Variants in ADAMTSL1 observed in about 807,000 individuals in gnomAD.
ADAMTSL1 encodes ADAMTS like 1, also known as ADAMTS-like protein 1.
A neutral mutation model predicts 201.8 loss-of-function variants in ADAMTSL1; 126 were observed. The observed-to-expected ratio is 0.62, with a 90% CI of 0.54 to 0.72. The LOEUF is 0.72. ADAMTSL1 is among the 30% of genes least tolerant of loss of function. ADAMTSL1 has a pLI of 0.00. For synonymous variants in ADAMTSL1, 1,121 were observed against 903.4 expected (o/e 1.24, Z -4.32); for missense variants, 2,679 against 2,277.8 (o/e 1.18, Z -3.59).
At chr9:18,828,736 CAT>C (rs1342237052) in intron 22 of ADAMTSL1, among the ~76,000 whole-genome samples, 17 of 132,952 alleles carry the variant, frequency 1.3e-4, no homozygotes, top group Admixed American at 6.8e-4. Context: ...CACACACACA[CAT>C]ATGTAATCTC....
intron 2 of ADAMTSL1, among the ~76,000 whole-genome samples, chr9:18,243,738 T>A (rs1025849633): frequency 1.3e-5 from 2 of 152,124 alleles, no homozygotes; most frequent in Non-Finnish European, 2.9e-5. Context: ...CAGTCCCATC[T>A]TCTGTCCACA....
chr9:18,717,178 A>C (rs1833001283), intron 14 of ADAMTSL1, among the ~76,000 whole-genome samples: 1 of 150,952 alleles, frequency 6.6e-6, no homozygotes, highest in South Asian at 2.1e-4. Flanking sequence ...TGGCACATGT[A>C]TACCTATGTA....
chr9:18,464,130 C>T (rs759332432), intron 2 of ADAMTSL1, among the ~76,000 whole-genome samples: 17 of 152,194 alleles, frequency 1.1e-4, no homozygotes, highest in Non-Finnish European at 2.4e-4. Flanking sequence ...TAACTCTCTT[C>T]CCCAGCCTTC....
chr9:18,810,781 C>G (rs1823450939), intron 20 of ADAMTSL1, among the ~76,000 whole-genome samples: 1 of 152,084 alleles, frequency 6.6e-6, no homozygotes, highest in South Asian at 2.1e-4. Context: ...ACTTCGACTT[C>G]TGGAAAGATG....
intron 2 of ADAMTSL1, among the ~76,000 whole-genome samples, chr9:18,305,439 C>G (rs900496410): frequency 1.3e-5 from 2 of 152,216 alleles, no homozygotes; most frequent in Non-Finnish European, 2.9e-5. Context: ...CAGAGCCCAG[C>G]AAGCTAAGAT....
At chr9:18,581,464 G>T (rs1259838150) in intron 4 of ADAMTSL1, among the ~76,000 whole-genome samples, 1 of 152,078 alleles carries the variant, frequency 6.6e-6, no homozygotes, top group African/African-American at 2.4e-5. Flanking sequence ...CTTCACATGT[G>T]ACAAATATTC....
At chr9:18,172,559 A>G (rs532376728) in intron 2 of ADAMTSL1, among the ~76,000 whole-genome samples, 118 of 152,272 alleles carry the variant, frequency 7.7e-4, no homozygotes, top group African/African-American at 2.8e-3. Context: ...TAACCACTTT[A>G]AAGAGCAACT....
intron 1 of ADAMTSL1, among the ~76,000 whole-genome samples, chr9:17,987,975 A>G (rs1818994829): frequency 6.6e-6 from 1 of 152,076 alleles, no homozygotes; most frequent in East Asian, 1.9e-4. Flanking sequence ...TACATGGGCT[A>G]TGACAAACGT....
intron 4 of ADAMTSL1, among the ~76,000 whole-genome samples, chr9:18,586,573 C>T (rs1258100659): frequency 6.6e-6 from 1 of 152,048 alleles, no homozygotes; most frequent in East Asian, 1.9e-4. Flanking sequence ...TGACATTCTT[C>T]ACAGAACTAG....
In ADAMTSL1 at chr9:18,281,276, G is replaced by GAT. The variant is rs141848750; in HGVS notation, c.207+117308_207+117309dup. Among the ~76,000 whole-genome samples the GAT allele has an allele frequency of 9.2e-3, 1,393 of 151,768 alleles. 21 individuals are homozygous for GAT. The highest frequency in any genetic ancestry group is 0.029 in the African/African-American group (1,208 of 41,386). On this transcript the variant is annotated intron_variant, in intron 2 of 29. Transcript: ENST00000680146. ...GCAATGGGAAGGGGAGAAGGGAAAA[G>GAT]ATATATATATATATTTACACTCACC...
intron 2 of ADAMTSL1, among the ~76,000 whole-genome samples, chr9:18,530,456 C>G (rs1304944937): frequency 6.6e-6 from 1 of 152,132 alleles, no homozygotes; most frequent in South Asian, 2.1e-4. Flanking sequence ...TTAATACCTT[C>G]AGTGGTTCCC....
chr9:18,587,245 A>C (rs550455929), intron 4 of ADAMTSL1, among the ~76,000 whole-genome samples: 23 of 152,314 alleles, frequency 1.5e-4, no homozygotes, highest in Admixed American at 1.2e-3. Flanking sequence ...AACTTAAACA[A>C]GTTTATAAAA....
chr9:18,238,366 G>A (rs764771790), intron 2 of ADAMTSL1, among the ~76,000 whole-genome samples: 5 of 152,156 alleles, frequency 3.3e-5, no homozygotes, highest in Non-Finnish European at 5.9e-5. Flanking sequence ...ATTTTGGGAG[G>A]AGGAGGAGGA....
intron 2 of ADAMTSL1, among the ~76,000 whole-genome samples, chr9:18,178,483 T>G (rs1587238984): frequency 6.6e-6 from 1 of 151,882 alleles, no homozygotes; most frequent in Admixed American, 6.6e-5. Flanking sequence ...CTTGCTTAGG[T>G]GAACAAAGCA....
intron 2 of ADAMTSL1, among the ~76,000 whole-genome samples, chr9:18,369,513 C>T (rs1836943935): frequency 6.6e-6 from 1 of 152,090 alleles, no homozygotes; most frequent in African/African-American, 2.4e-5. Flanking sequence ...AAAGAGAATG[C>T]TTATACACAT....
chr9:18,868,822 C>G (rs1374809420), intron 23 of ADAMTSL1, among the ~76,000 whole-genome samples: 1 of 152,198 alleles, frequency 6.6e-6, no homozygotes, highest in South Asian at 2.1e-4. Context: ...TCTTCAAACT[C>G]TCTTCTTTGT....
chr9:18,036,556 T>G (rs1323123484), intron 1 of ADAMTSL1, among the ~76,000 whole-genome samples: 1 of 152,192 alleles, frequency 6.6e-6, no homozygotes, highest in Non-Finnish European at 1.5e-5. Context: ...CATTAGCTAA[T>G]ACCTTGTTGT....
chr9:18,500,280 T>A (rs2131902055), intron 1 of ADAMTSL1, among the ~76,000 whole-genome samples: 1 of 152,356 alleles, frequency 6.6e-6, no homozygotes, highest in South Asian at 2.1e-4. Flanking sequence ...GATAAGCCAG[T>A]AATGGCAAGA....
chr9:18,266,285 G>C (rs1250307171), intron 2 of ADAMTSL1, among the ~76,000 whole-genome samples: 5 of 152,174 alleles, frequency 3.3e-5, no homozygotes, highest in Admixed American at 1.3e-4. Context: ...CTTAGCAAGG[G>C]CATGGGTCAC....
Sources: gnomAD v4.1 joint callset for allele counts (sites outside exome capture counted in the v4.1 genomes callset) on GRCh38, gnomAD v4.1.1 for gene constraint, MANE v1.5 for transcripts, NCBI Gene and HGNC (gene_info 2026-07-23, HGNC 2026-07-21) for gene names.